Variants in GRB10 observed in about 807,000 individuals in gnomAD.
GRB10 encodes the protein growth factor receptor bound protein 10, also known as growth factor receptor-bound protein 10.
Under a neutral mutation model 80.9 loss-of-function variants are expected in GRB10, and 20 were observed. The observed-to-expected ratio is 0.25, with a 90% CI of 0.17 to 0.36. The LOEUF is 0.36. GRB10 is among the 10% of genes least tolerant of loss of function. The pLI is 1.00. For missense variants in GRB10, 548 were observed against 747.7 expected, an observed-to-expected ratio of 0.73 and a Z score of 3.12; for synonymous variants, 291 against 291.5, an observed-to-expected ratio of 1.00 and a Z score of 0.02.
At chr7:50,635,052 T>C (rs1163874534) in intron 7 of GRB10, among the ~76,000 whole-genome samples, 1 of 151,218 alleles carries the variant, frequency 6.6e-6, no homozygotes, top group African/African-American at 2.4e-5. Context: ...TAAACATTTA[T>C]AGAACATGCT....
chr7:50,750,445 CG>C (rs2073917226), intron 3 of GRB10, among the ~76,000 whole-genome samples: 1 of 152,156 alleles, frequency 6.6e-6, no homozygotes, highest in Non-Finnish European at 1.5e-5. Context: ...CAGGTGCGCA[CG>C]CGGAGATATC....
chr7:50,715,484 T>C (rs1477395406), intron 4 of GRB10, among the ~76,000 whole-genome samples: 1 of 152,200 alleles, frequency 6.6e-6, no homozygotes, highest in African/African-American at 2.4e-5. Context: ...CCAACCTTGC[T>C]GTGGGCCATA....
At chr7:50,695,471 T>C (rs1370803558) in intron 5 of GRB10, among the ~76,000 whole-genome samples, 1 of 53,952 alleles carries the variant, frequency 1.9e-5, no homozygotes, top group Non-Finnish European at 6.1e-5. Context: ...GCTTTCTTTC[T>C]TAAGCAGGGG....
chr7:50,613,087 T>C (rs886932247), intron 12 of GRB10, among the ~76,000 whole-genome samples: 3 of 152,144 alleles, frequency 2.0e-5, no homozygotes, highest in African/African-American at 7.2e-5. Context: ...TAATAAGCCA[T>C]CCTTTGGGAA....
In GRB10 at chr7:50,612,821, C is replaced by T; in HGVS notation, c.1114G>A (p.Glu372Lys). The change falls in exon 13 of 19, where the codon GAA becomes AAA. Residue 372 changes from glutamate (E) to lysine (K), a missense_variant. Coordinates refer to ENST00000401949, the MANE Select transcript of GRB10 (RefSeq NM_001350814.2). ...LCIKPNKVRN[E>K]TKELRLLCAE... ...CAGAGCAACCTCAGCTCTTTAGTTTCATTCCTGACTTTGTTTGGCTACAGG... is the reference window on the plus strand; with the variant it reads ...CAGAGCAACCTCAGCTCTTTAGTTTTATTCCTGACTTTGTTTGGCTACAGG... 1 of 1,613,860 alleles carries T rather than the reference C, an allele frequency of 6.2e-7. No homozygotes were observed. The highest frequency in any genetic ancestry group is 8.5e-7 in the Non-Finnish European group (1 of 1,179,772).
intron 3 of GRB10, among the ~76,000 whole-genome samples, chr7:50,736,998 T>C (rs1273817780): frequency 1.3e-5 from 2 of 152,152 alleles, no homozygotes; most frequent in African/African-American, 4.8e-5. Context: ...TTCTCAGATA[T>C]GACACCAAAG....
rs141577747 is a variant in GRB10 at position 50,659,942 on chromosome 7, T to C, written c.504+9780A>G. The stretch of plus-strand genomic sequence containing the variant: ...CGTCTGGGGCACTGCTGTGGCACAC[T>C]GAGAAGACAGCTAGAAGCTCGGGTC... On this transcript the variant is annotated intron_variant, in intron 7 of 18. Transcript: ENST00000401949. Among the ~76,000 whole-genome samples, 1,161 of 152,348 alleles carry C rather than the reference T, an allele frequency of 7.6e-3. 16 individuals carry two copies. The highest frequency in any genetic ancestry group is 0.027 in the African/African-American group (1,120 of 41,572).
At chr7:50,628,136 A>G (rs922292779) in intron 7 of GRB10, among the ~76,000 whole-genome samples, 1 of 152,184 alleles carries the variant, frequency 6.6e-6, no homozygotes, top group Non-Finnish European at 1.5e-5. Context: ...ATGCTTTCCC[A>G]TGGCAGTGAA....
chr7:50,762,904 T>C (rs1042668900), intron 2 of GRB10, among the ~76,000 whole-genome samples: 1 of 152,020 alleles, frequency 6.6e-6, no homozygotes, highest in African/African-American at 2.4e-5. Context: ...GATCATGAGG[T>C]CAGGAGATGG....
intron 3 of GRB10, among the ~76,000 whole-genome samples, chr7:50,744,841 C>T (rs1285763910): frequency 6.6e-6 from 1 of 152,170 alleles, no homozygotes; most frequent in Non-Finnish European, 1.5e-5. Context: ...ATTTTCATAA[C>T]TATGAAATTA....
chr7:50,678,228 C>T (rs1209641041), intron 5 of GRB10, among the ~76,000 whole-genome samples: 1 of 152,138 alleles, frequency 6.6e-6, no homozygotes, highest in Non-Finnish European at 1.5e-5. Context: ...GTAACAGATG[C>T]CAAAATATAA....
chr7:50,692,826 A>G (rs1188168094), intron 5 of GRB10, among the ~76,000 whole-genome samples: 1 of 152,188 alleles, frequency 6.6e-6, no homozygotes, highest in African/African-American at 2.4e-5. Context: ...TTATACATAT[A>G]GGTGTGTGCA....
intron 17 of GRB10, among the ~76,000 whole-genome samples, chr7:50,603,228 C>T (rs141219714): frequency 5.3e-5 from 8 of 152,292 alleles, no homozygotes; most frequent in Non-Finnish European, 1.0e-4. Flanking sequence ...CTGCTGGCTC[C>T]GCAGTGTCGG....
At chr7:50,599,229 G>A (rs2047183821) in intron 17 of GRB10, among the ~76,000 whole-genome samples, 1 of 152,140 alleles carries the variant, frequency 6.6e-6, no homozygotes, top group South Asian at 2.1e-4. Context: ...AGGAATACTT[G>A]ACGGGCTTAT....
chr7:50,654,889 G>C (rs542306477), intron 7 of GRB10, among the ~76,000 whole-genome samples: 1 of 152,270 alleles, frequency 6.6e-6, no homozygotes, highest in Admixed American at 6.5e-5. Flanking sequence ...AATTAACACT[G>C]ATATACTACC....
At chr7:50,601,342 A>G (rs2047559380) in intron 17 of GRB10, among the ~76,000 whole-genome samples, 2 of 152,346 alleles carry the variant, frequency 1.3e-5, no homozygotes, top group Non-Finnish European at 2.9e-5. Context: ...GCAATTTACA[A>G]AGCAGCATTC....
chr7:50,739,749 G>A (rs1332319863), intron 3 of GRB10, among the ~76,000 whole-genome samples: 1 of 152,190 alleles, frequency 6.6e-6, no homozygotes, highest in Non-Finnish European at 1.5e-5. Flanking sequence ...CAGTTGGAGG[G>A]CCCGCTCCCT....
chr7:50,669,687 C>T (rs2072235), intron 7 of GRB10, 35 bp downstream of exon 7: 373,630 of 1,599,752 alleles, frequency 0.23, 48,218 homozygotes, highest in East Asian at 0.52. Flanking sequence ...TCTGGCATAT[C>T]CCTCAGCCTG....
chr7:50,721,699 C>T (rs957567407), intron 4 of GRB10, among the ~76,000 whole-genome samples: 1 of 152,098 alleles, frequency 6.6e-6, no homozygotes. Context: ...CCATTCCCCA[C>T]TGGGTAGGGG....
Sources: allele counts gnomAD v4.1 joint callset (sites outside exome capture counted in the v4.1 genomes callset), GRCh38; gene constraint gnomAD v4.1.1; transcripts MANE v1.5; gene names NCBI Gene and HGNC (gene_info 2026-07-23, HGNC 2026-07-21).